Variants in CNTNAP2 observed in about 807,000 individuals in gnomAD.
CNTNAP2 encodes the protein contactin-associated protein-like 2.
CNTNAP2 carries 98 observed loss-of-function variants against 155.2 expected under a neutral mutation model. That is an observed-to-expected ratio of 0.63 (90% CI 0.54 to 0.75). The LOEUF (loss-of-function observed/expected upper bound fraction) is 0.75, where lower values mean the gene tolerates loss of function less well. Ranked by LOEUF, CNTNAP2 falls within the 30% of genes least tolerant of loss-of-function variation. CNTNAP2 has a pLI of 0.00. For missense variants in CNTNAP2, 1,727 were observed against 1,688.1 expected (o/e 1.02, Z -0.40); for synonymous variants, 651 against 631.2 (o/e 1.03, Z -0.47).
At chr7:147,433,831 G>A (rs1343914255) in intron 10 of CNTNAP2, among the ~76,000 whole-genome samples, 1 of 152,178 alleles carries the variant, frequency 6.6e-6, no homozygotes, top group Non-Finnish European at 1.5e-5. Flanking sequence ...TATTTTCTTT[G>A]ATATGTCTTG....
chr7:146,837,649 ATGT>A lies in CNTNAP2; in HGVS notation c.209-2057_209-2055del, dbSNP rs200972333. Among the ~76,000 whole-genome samples the A allele has an allele frequency of 5.3e-4, 81 of 152,138 alleles. 3 individuals carry two copies. The East Asian group carries it at 0.013, about 25-fold the overall frequency. ...TGATATACTTGACATTATGGATGCAATGTTGTTCAGTTTCTAAATGTTTATGAC... is the reference window on the plus strand; with the variant it reads ...TGATATACTTGACATTATGGATGCAATGTTCAGTTTCTAAATGTTTATGAC... On this transcript the variant is annotated intron_variant, in intron 2 of 23. Transcript: ENST00000361727.
intron 9 of CNTNAP2, among the ~76,000 whole-genome samples, chr7:147,313,221 A>C (rs923567108): frequency 6.6e-6 from 1 of 151,856 alleles, no homozygotes; most frequent in Non-Finnish European, 1.5e-5. Context: ...TTCCCATCCC[A>C]CTCTGCTGGT....
intron 13 of CNTNAP2, among the ~76,000 whole-genome samples, chr7:147,842,282 C>T (rs1166987456): frequency 1.3e-5 from 2 of 152,322 alleles, no homozygotes; most frequent in East Asian, 1.9e-4. Flanking sequence ...GTGAGAGACA[C>T]ATATAAGCAA....
At position 146,612,931 on chromosome 7, in the gene CNTNAP2, C is replaced by CTTT. The variant is rs10593929; in HGVS notation, c.98-161326_98-161324dup. On this transcript the variant is annotated intron_variant, in intron 1 of 23. Coordinates refer to ENST00000361727, the MANE Select transcript of CNTNAP2 (RefSeq NM_014141.6). Reference sequence around the variant, plus strand: ...TTTCACTTATAGCTCTAACATCTGTCTTTTTTTTTTTTTTTTGCCACAAAC... The same window carrying CTTT: ...TTTCACTTATAGCTCTAACATCTGTCTTTTTTTTTTTTTTTTTTTGCCACAAAC... 5.0e-5 allele frequency among the ~76,000 whole-genome samples: 7 copies of CTTT among 139,380 alleles called. No individual in the cohort carries two copies. The East Asian group carries it at 1.1e-3, about 21-fold the overall frequency. The allele number at this position is 139,380 out of a possible 152,430, so 91.4% of individuals were successfully genotyped here. A position where few individuals can be genotyped will look rare whatever the true frequency, so the allele number is the denominator to read the frequency against.
intron 12 of CNTNAP2, among the ~76,000 whole-genome samples, chr7:147,594,904 A>G (rs188122498): frequency 1.1e-3 from 175 of 152,284 alleles, no homozygotes; most frequent in Non-Finnish European, 2.1e-3. Flanking sequence ...TACAAGAGAG[A>G]AAGCGGAAGG....
chr7:146,483,285 A>ATATG (rs1796997540), intron 1 of CNTNAP2, among the ~76,000 whole-genome samples: 1 of 47,250 alleles, frequency 2.1e-5, no homozygotes, highest in African/African-American at 1.1e-4. Context: ...AAAAAAAAAT[A>ATATG]TATATATATA....
intron 16 of CNTNAP2, among the ~76,000 whole-genome samples, chr7:148,128,758 G>C (rs1804766434): frequency 6.6e-6 from 1 of 152,156 alleles, no homozygotes; most frequent in Admixed American, 6.5e-5. Flanking sequence ...GAAATTTCCA[G>C]AGAAGATTGG....
intron 1 of CNTNAP2, among the ~76,000 whole-genome samples, chr7:146,748,638 G>A (rs1801853193): frequency 6.6e-6 from 1 of 152,094 alleles, no homozygotes; most frequent in Non-Finnish European, 1.5e-5. Context: ...GACTTAATAC[G>A]TTTTTGAAGA....
chr7:146,668,439 T>TGGGG (rs1554465248), intron 1 of CNTNAP2, among the ~76,000 whole-genome samples: 8 of 135,110 alleles, frequency 5.9e-5, no homozygotes, highest in Non-Finnish European at 1.2e-4. Context: ...TGTGTGTGTG[T>TGGGG]GTGTGTGTGT....
chr7:147,906,546 A>G (rs893277566), intron 14 of CNTNAP2, among the ~76,000 whole-genome samples: 1 of 150,836 alleles, frequency 6.6e-6, no homozygotes. Flanking sequence ...GCTGGAGTGC[A>G]GTGGCGCAAT....
intron 2 of CNTNAP2, among the ~76,000 whole-genome samples, chr7:146,834,221 C>T (rs1803571805): frequency 6.6e-6 from 1 of 152,124 alleles, no homozygotes; most frequent in Non-Finnish European, 1.5e-5. Context: ...CTCTCTAAAC[C>T]ACCCACTAAA....
chr7:146,605,098 A>C (rs1054760494), intron 1 of CNTNAP2, among the ~76,000 whole-genome samples: 1 of 147,646 alleles, frequency 6.8e-6, no homozygotes, highest in Non-Finnish European at 1.5e-5. Flanking sequence ...AAAAAAAAAA[A>C]GAAAAAAAAA....
intron 18 of CNTNAP2, among the ~76,000 whole-genome samples, chr7:148,213,401 C>T (rs1478842821): frequency 2.0e-5 from 3 of 152,176 alleles, no homozygotes; most frequent in Non-Finnish European, 2.9e-5. Context: ...CGGTGACACG[C>T]TGCACCTGTC....
intron 10 of CNTNAP2, among the ~76,000 whole-genome samples, chr7:147,428,453 T>C (rs977450016): frequency 2.0e-5 from 3 of 152,178 alleles, no homozygotes; most frequent in Admixed American, 1.3e-4. Context: ...ATGATTAAAA[T>C]TGGCAATACA....
chr7:146,142,239 A>G (rs1358818541), intron 1 of CNTNAP2, among the ~76,000 whole-genome samples: 1 of 152,224 alleles, frequency 6.6e-6, no homozygotes, highest in Non-Finnish European at 1.5e-5. Flanking sequence ...ATGTAGCCCC[A>G]AAGTTCAGGG....
At chr7:146,336,892 A>G (rs1469570811) in intron 1 of CNTNAP2, among the ~76,000 whole-genome samples, 7 of 152,206 alleles carry the variant, frequency 4.6e-5, no homozygotes, top group African/African-American at 1.4e-4. Context: ...AAGACAATAC[A>G]GGGATTGGAA....
At position 148,266,244 on chromosome 7, in the gene CNTNAP2, G is replaced by A. The variant is rs545496056; in HGVS notation, c.3382-789G>A. Among the ~76,000 whole-genome samples the A allele has an allele frequency of 9.8e-4, 150 of 152,316 alleles. 2 individuals carry two copies. Among genetic ancestry groups the A allele is most frequent in the South Asian group, 6.0e-3 (29 of 4,826 alleles). ...TTACAAAAGAATGTTTTCCACCGGGGTGGGGGGCCCAAAAAAGGCCCAGAA... is the reference window on the plus strand; with the variant it reads ...TTACAAAAGAATGTTTTCCACCGGGATGGGGGGCCCAAAAAAGGCCCAGAA... On this transcript the variant is annotated intron_variant, in intron 20 of 23. Coordinates refer to ENST00000361727, the MANE Select transcript of CNTNAP2 (RefSeq NM_014141.6).
At chr7:147,546,754 C>A (rs1205247841) in intron 11 of CNTNAP2, among the ~76,000 whole-genome samples, 1 of 152,204 alleles carries the variant, frequency 6.6e-6, no homozygotes, top group Non-Finnish European at 1.5e-5. Flanking sequence ...AGTCCCAGGG[C>A]AGCTCCCTGA....
chr7:146,863,844 A>T (rs1795151362), intron 3 of CNTNAP2, among the ~76,000 whole-genome samples: 1 of 152,138 alleles, frequency 6.6e-6, no homozygotes, highest in Admixed American at 6.6e-5. Flanking sequence ...TATAATGAAA[A>T]CACAAATATA....
Sources: allele counts gnomAD v4.1 joint callset (sites outside exome capture counted in the v4.1 genomes callset), GRCh38; gene constraint gnomAD v4.1.1; transcripts MANE v1.5; gene names NCBI Gene and HGNC (gene_info 2026-07-23, HGNC 2026-07-21).